The following TRRAP variants were observed in gnomAD, a reference collection of about 807,000 sequenced individuals.
TRRAP encodes transformation/transcription domain associated protein, also known as transformation/transcription domain-associated protein.
Under a neutral mutation model 438.8 loss-of-function variants are expected in TRRAP, and 41 were observed. The observed-to-expected ratio is 0.09, with a 90% CI of 0.07 to 0.12. The LOEUF (loss-of-function observed/expected upper bound fraction) is 0.12. Ranked by LOEUF, TRRAP falls within the 10% of genes least tolerant of loss-of-function variation. TRRAP has a pLI of 1.00. For synonymous variants in TRRAP, 1,994 were observed against 1,962.9 expected, an observed-to-expected ratio of 1.02 and a Z score of -0.42; for missense variants, 3,122 against 5,055.1, an observed-to-expected ratio of 0.62 and a Z score of 11.60.
rs1344242551 is a variant in TRRAP at position 99,012,121 on chromosome 7, C to T, written c.11388C>T (p.His3796=). ...TCCGGGACGAGATCATTGCTTGGCA[C>T]AAAAAAACACAAGAGGACACGTCCT... ...TVLRDEIIAW[H]KKTQEDTSSP... The change falls in exon 73 of 73, where the codon CAC becomes CAT. Residue 3796 remains histidine (H), a synonymous_variant. Coordinates refer to ENST00000456197, the MANE Select transcript of TRRAP (RefSeq NM_001375524.1). This position sits in a 1 kb window ranked among gnomAD's most constrained non-coding sequence, Gnocchi z 5.9. 1.9e-6 allele frequency: 3 copies of T among 1,614,112 alleles called. No individual in the cohort carries two copies. Among genetic ancestry groups the T allele is most frequent in the Non-Finnish European group, 2.5e-6 (3 of 1,180,010 alleles).
chr7:98,921,874 T>A lies in TRRAP; in HGVS notation c.2744T>A (p.Val915Asp). Residue 915 changes from valine to aspartate, a missense_variant, in exon 21 of 73, where the codon GTT becomes GAT. Physicochemically the swap from Val to Asp is radical, Grantham distance 152. Coordinates refer to ENST00000456197, the MANE Select transcript of TRRAP (RefSeq NM_001375524.1). ...MLKESQKLHY[V>D]VTEVQGPSIT... ...AAGGAGTCGCAGAAGCTGCACTACG[T>A]TGTGACCGAGGTTCAGGGCCCCAGC... The A allele has an allele frequency of 6.2e-7, 1 of 1,614,242 alleles. No homozygotes were observed. The highest frequency in any genetic ancestry group is 8.5e-7 in the Non-Finnish European group (1 of 1,180,046).
chr7:98,907,025 A>G (rs1289991358), intron 13 of TRRAP, among the ~76,000 whole-genome samples: 1 of 151,992 alleles, frequency 6.6e-6, no homozygotes, highest in Non-Finnish European at 1.5e-5. Flanking sequence ...ACTTAAAAAA[A>G]AAAAAAAAGT....
Position 98,925,329 on chromosome 7 carries a change from G to A in TRRAP, c.2975+66G>A. 1.3e-6 allele frequency: 2 copies of A among 1,566,738 alleles called. 1 individual carries two copies. The highest frequency in any genetic ancestry group is 2.4e-5 in the South Asian group (2 of 83,218). ...GTTTTAGGAATTGGGGCTGCAGAGG[G>A]CCTCCCAGGTTTCCTGGTGCTAGGA... On this transcript the variant is annotated intron_variant, in intron 22 of 72. Transcript: ENST00000456197.
intron 56 of TRRAP, among the ~76,000 whole-genome samples, chr7:98,977,734 G>GT (rs1196849474): frequency 6.6e-6 from 1 of 152,214 alleles, no homozygotes; most frequent in Non-Finnish European, 1.5e-5. Flanking sequence ...TCCTAGCACT[G>GT]TGTAGGGTGC....
At chr7:99,003,995 C>G (rs563504163) in intron 67 of TRRAP, among the ~76,000 whole-genome samples, 195 bp from the exon 68 acceptor site, 1 of 152,264 alleles carries the variant, frequency 6.6e-6, no homozygotes, top group East Asian at 1.9e-4. Context: ...ATCACTGAAA[C>G]CCGGGAGGCG....
intron 7 of TRRAP, among the ~76,000 whole-genome samples, chr7:98,897,528 G>A (rs1214655096): frequency 1.3e-5 from 2 of 152,166 alleles, no homozygotes; most frequent in Admixed American, 6.5e-5. Flanking sequence ...AAGAGTAAAC[G>A]TCTAGTGTGT....
chr7:98,899,809 C>T, intron 10 of TRRAP, 42 bp downstream of exon 10: 1 of 1,595,368 alleles, frequency 6.3e-7, no homozygotes, highest in Non-Finnish European at 8.6e-7. Context: ...GCCTGGATTC[C>T]AAGTAAAAAT....
intron 25 of TRRAP, 62 bp downstream of exon 25, chr7:98,930,892 A>G: frequency 1.3e-6 from 2 of 1,594,108 alleles, no homozygotes; most frequent in Non-Finnish European, 1.7e-6. Context: ...TTCCTGAAGA[A>G]TACTATAAGA....
chr7:98,956,807 T>G lies in TRRAP; in HGVS notation c.6231+274T>G, dbSNP rs1206125423. ...CAGAAAGGCATCTAGAGAAACTCTT[T>G]GAAGTAAGGAGTTGATTAAGAACAT... On this transcript the variant is annotated intron_variant, in intron 43 of 72. Coordinates refer to ENST00000456197, the MANE Select transcript of TRRAP (RefSeq NM_001375524.1). This position sits in a 1 kb window ranked among gnomAD's most constrained non-coding sequence, Gnocchi z 4.5. Among the ~76,000 whole-genome samples, 2 of 152,164 alleles carry G rather than the reference T, an allele frequency of 1.3e-5. No individual in the cohort carries two copies. Among genetic ancestry groups the G allele is most frequent in the Non-Finnish European group, 2.9e-5 (2 of 68,034 alleles).
intron 27 of TRRAP, 32 bp from the exon 28 acceptor site, chr7:98,935,547 T>G: frequency 6.4e-7 from 1 of 1,574,500 alleles, no homozygotes; most frequent in Non-Finnish European, 8.7e-7. Flanking sequence ...ACAGGAAGAG[T>G]GGGCTAAATG....
intron 51 of TRRAP, 115 bp from the exon 52 acceptor site, chr7:98,969,997 A>G (rs1489964875): frequency 1.6e-6 from 2 of 1,283,866 alleles, no homozygotes. Flanking sequence ...CTGAGCTCAT[A>G]CTTGGACCTG....
chr7:98,907,192 G>A (rs1368935952), intron 13 of TRRAP, among the ~76,000 whole-genome samples: 9 of 152,072 alleles, frequency 5.9e-5, no homozygotes, highest in South Asian at 2.1e-4. Context: ...GCGTGGTGGC[G>A]CGTGCCTGTA....
intron 67 of TRRAP, among the ~76,000 whole-genome samples, chr7:98,998,157 C>CA (rs1398306674): frequency 2.0e-5 from 3 of 152,180 alleles, no homozygotes; most frequent in Non-Finnish European, 4.4e-5. Context: ...AGCTCCAACA[C>CA]AGTGTCTTAC....
chr7:98,962,460 G>A, intron 47 of TRRAP, 33 bp downstream of exon 47: 1 of 1,613,442 alleles, frequency 6.2e-7, no homozygotes, highest in Middle Eastern at 1.7e-4. Flanking sequence ...GTTCGTGGTG[G>A]CTCAGTTTGG....
At chr7:98,963,875 G>GT (rs1202412682) in intron 47 of TRRAP, among the ~76,000 whole-genome samples, 1 of 152,120 alleles carries the variant, frequency 6.6e-6, no homozygotes, top group Admixed American at 6.5e-5. Flanking sequence ...GAGGTCAGGA[G>GT]TTTGAGACCA....
intron 33 of TRRAP, among the ~76,000 whole-genome samples, chr7:98,946,934 G>A (rs1177936443): frequency 2.6e-5 from 4 of 152,244 alleles, no homozygotes; most frequent in Non-Finnish European, 5.9e-5. Context: ...AGATTCTGGG[G>A]AAGAGAATTG....
At position 98,908,341 on chromosome 7, in the gene TRRAP, T is replaced by C. The variant is rs897465203; in HGVS notation, c.1116-387T>C. Among the ~76,000 whole-genome samples the C allele has an allele frequency of 6.6e-6, 1 of 152,186 alleles. No individual in the cohort carries two copies. Among genetic ancestry groups the C allele is most frequent in the Non-Finnish European group, 1.5e-5 (1 of 68,040 alleles). ...GGGAAAAAACTAGTAGCCTGAAAAT[T>C]CTTACTGTGTCTCTGTAAAGTGGTC... is the stretch of plus-strand genomic sequence containing the variant. On this transcript the variant is annotated intron_variant, in intron 13 of 72. Transcript: ENST00000456197. This position sits in a 1 kb window ranked among gnomAD's most constrained non-coding sequence, Gnocchi z 4.1.
At chr7:98,977,852 C>G (rs1792736117) in intron 56 of TRRAP, among the ~76,000 whole-genome samples, 1 of 152,248 alleles carries the variant, frequency 6.6e-6, no homozygotes, top group South Asian at 2.1e-4. Context: ...TCCTTCCATT[C>G]TGTTCAGGGA....
Position 99,011,669 on chromosome 7 carries a change from T to TATGTC in TRRAP, c.11337+135_11337+139dup. 9.4e-7 allele frequency: 1 copy of TATGTC among 1,064,110 alleles called. No homozygotes were observed. Among genetic ancestry groups the TATGTC allele is most frequent in the Non-Finnish European group, 1.3e-6 (1 of 753,764 alleles). 65.9% of individuals were successfully genotyped at this position (1,064,110 alleles called of 1,614,324 possible). The stretch of plus-strand genomic sequence containing the variant: ...CACAGTGGCCAGCACCCCTGTGTGT[T>TATGTC]ATGTCCTTTGCTGTGAGGGCAAGGG... On this transcript the variant is annotated intron_variant, in intron 72 of 72. Transcript: ENST00000456197. This position sits in a 1 kb window ranked among gnomAD's most constrained non-coding sequence, Gnocchi z 7.1.
Sources: gnomAD v4.1 joint callset for allele counts (sites outside exome capture counted in the v4.1 genomes callset) on GRCh38, gnomAD v4.1.1 for gene constraint, Gnocchi (gnomAD v3.1) non-coding constraint, MANE v1.5 for transcripts, NCBI Gene and HGNC (gene_info 2026-07-23, HGNC 2026-07-21) for gene names.